The following NPAS2 variants were observed in gnomAD, a reference collection of about 807,000 sequenced individuals.
The protein encoded by NPAS2 is neuronal PAS domain-containing protein 2.
Under a neutral mutation model 107.5 loss-of-function variants are expected in NPAS2, and 23 were observed. That is an observed-to-expected ratio of 0.21 (90% CI 0.15 to 0.30). The LOEUF (loss-of-function observed/expected upper bound fraction) is 0.30, where lower values mean the gene tolerates loss of function less well. NPAS2 is among the 10% of genes least tolerant of loss of function. The pLI, the probability that NPAS2 is intolerant of heterozygous loss-of-function variation, is 1.00. For synonymous variants in NPAS2, 403 were observed against 417.5 expected (o/e 0.97, Z 0.42); for missense variants, 756 against 1,043.3 (o/e 0.72, Z 3.79).
At position 100,975,439 on chromosome 2, in the gene NPAS2, A is replaced by G. The variant is rs751054540; in HGVS notation, c.1283-19A>G. The stretch of plus-strand genomic sequence containing the variant: ...CTAAGTACATGGAAGTTAGAAGGTC[A>G]TTCGTTGCTTTCTTACAGCCACTCC... On this transcript the variant is annotated intron_variant, in intron 13 of 20. Coordinates refer to ENST00000335681, the MANE Select transcript of NPAS2 (RefSeq NM_002518.4). The G allele has an allele frequency of 4.3e-5, 69 of 1,605,302 alleles. No homozygotes were observed. Among genetic ancestry groups the G allele is most frequent in the Non-Finnish European group, 5.7e-5 (67 of 1,174,746 alleles).
chr2:100,901,472 G>T (rs888135048), intron 1 of NPAS2: 8 of 978,534 alleles, frequency 8.2e-6, no homozygotes, highest in Admixed American at 1.2e-4. Flanking sequence ...GAAAACCCAA[G>T]AAACCCAGAA....
At position 100,953,064 on chromosome 2, in the gene NPAS2, A is replaced by G. The variant is rs1166634196; in HGVS notation, c.598+3584A>G. Reference sequence around the variant, plus strand: ...TAAAATAGCAAAAATTGTCAGAGACAAATGAATTTCTCAGGTTAAACCCTA... The same window carrying G: ...TAAAATAGCAAAAATTGTCAGAGACGAATGAATTTCTCAGGTTAAACCCTA... On this transcript the variant is annotated intron_variant, in intron 7 of 20. Coordinates refer to ENST00000335681, the MANE Select transcript of NPAS2 (RefSeq NM_002518.4). 6.7e-4 allele frequency among the ~76,000 whole-genome samples: 90 copies of G among 134,216 alleles called. 4 individuals are homozygous for G. The highest frequency in any genetic ancestry group is 3.5e-3 in the Middle Eastern group (1 of 288). The allele number at this position is 134,216 out of a possible 152,430, so 88.1% of individuals were successfully genotyped here. A position where few individuals can be genotyped will look rare whatever the true frequency, so the allele number is the denominator to read the frequency against.
intron 1 of NPAS2, among the ~76,000 whole-genome samples, chr2:100,862,385 C>T (rs1678996709): frequency 6.6e-6 from 1 of 152,136 alleles, no homozygotes; most frequent in South Asian, 2.1e-4. Flanking sequence ...TCAGAAACAG[C>T]TGATATTCAT....
intron 1 of NPAS2, among the ~76,000 whole-genome samples, chr2:100,886,834 C>T (rs1041289082): frequency 2.6e-5 from 4 of 152,190 alleles, no homozygotes; most frequent in African/African-American, 9.6e-5. Context: ...TCAGCTCTTT[C>T]CTTCAGTTCT....
At chr2:100,904,664 CTT>C in intron 1 of NPAS2, 67 bp from the exon 2 acceptor site, 8 of 1,186,828 alleles carry the variant, frequency 6.7e-6, no homozygotes, top group Non-Finnish European at 9.6e-6. Flanking sequence ...ACCTGAAAGA[CTT>C]TTAAGAAAGA....
At chr2:100,844,469 C>T (rs1573447292) in intron 1 of NPAS2, among the ~76,000 whole-genome samples, 1 of 152,022 alleles carries the variant, frequency 6.6e-6, no homozygotes, top group Non-Finnish European at 1.5e-5. Flanking sequence ...CCAGTGGTAC[C>T]GAGGAGGAGG....
chr2:100,925,646 C>T (rs367785807), intron 3 of NPAS2, among the ~76,000 whole-genome samples: 52 of 152,334 alleles, frequency 3.4e-4, no homozygotes, highest in Middle Eastern at 3.4e-3. Flanking sequence ...TGGCTGAATA[C>T]TCACTTCCTG....
At chr2:100,820,102 GGAGGCA>G (rs1249127643), upstream of NPAS2, 3 of 151,556 alleles carry the variant, frequency 2.0e-5, no homozygotes, top group East Asian at 5.9e-4. This position sits in a 1 kb window ranked among gnomAD's most constrained non-coding sequence, Gnocchi z 5.6. Flanking sequence ...AGGCAGGGGA[GGAGGCA>G]GAGGCGGAGG....
At chr2:100,987,121 G>A (rs1034355214) in intron 16 of NPAS2, 7 of 152,186 alleles carry the variant, frequency 4.6e-5, no homozygotes, top group African/African-American at 1.7e-4. Context: ...ATTTTTAGTA[G>A]AGACAGGGTT....
chr2:100,877,199 C>T (rs1458914133), intron 1 of NPAS2, among the ~76,000 whole-genome samples: 2 of 152,268 alleles, frequency 1.3e-5, no homozygotes, highest in East Asian at 1.9e-4. Flanking sequence ...GGCGCAGTGG[C>T]TTATGCCTGT....
chr2:100,919,144 A>G (rs370087059), intron 2 of NPAS2, among the ~76,000 whole-genome samples: 10 of 152,360 alleles, frequency 6.6e-5, no homozygotes, highest in African/African-American at 2.2e-4. Context: ...TCAAAAGGTT[A>G]CATGCTATAG....
chr2:100,975,497 C>T lies in NPAS2; in HGVS notation c.1322C>T (p.Ala441Val), dbSNP rs904079564. The T allele has an allele frequency of 6.2e-7, 1 of 1,613,692 alleles. No homozygotes were observed. The highest frequency in any genetic ancestry group is 1.7e-5 in the Admixed American group (1 of 59,962). Residue 441 changes from alanine (A) to valine (V), a missense_variant, in exon 14 of 21, where the codon GCT becomes GTT. By Grantham distance (64) the Ala-to-Val change is moderately conservative (BLOSUM62 0). Coordinates refer to ENST00000335681, the MANE Select transcript of NPAS2 (RefSeq NM_002518.4). ...CTGATGGCAGAGGCCAGCACCCCGG[C>T]TTTGCCAAGATCAGCCACCCTGCCC... ...TKLMAEASTP[A>V]LPRSATLPQE...
intron 1 of NPAS2, among the ~76,000 whole-genome samples, chr2:100,845,560 G>C (rs780738207): frequency 1.3e-5 from 2 of 152,180 alleles, no homozygotes; most frequent in Non-Finnish European, 2.9e-5. Flanking sequence ...AGGCACCCAG[G>C]CTGCTCTGGG....
At chr2:100,938,504 C>G (rs1684477363) in intron 5 of NPAS2, among the ~76,000 whole-genome samples, 2 of 111,394 alleles carry the variant, frequency 1.8e-5, no homozygotes, top group Admixed American at 9.8e-5. Flanking sequence ...GATGTCCCTC[C>G]CCACTCTTTC....
At chr2:100,974,048 G>T (rs1253587476) in intron 12 of NPAS2, among the ~76,000 whole-genome samples, 2 of 151,878 alleles carry the variant, frequency 1.3e-5, no homozygotes, top group African/African-American at 4.8e-5. Context: ...CACCATGTTG[G>T]CCAGGCTGGT....
chr2:100,861,952 T>C (rs879317214), intron 1 of NPAS2, among the ~76,000 whole-genome samples: 44 of 152,200 alleles, frequency 2.9e-4, no homozygotes, highest in African/African-American at 9.4e-4. Flanking sequence ...TATTAAGGGA[T>C]CTGTGTTAAG....
chr2:100,978,776 C>G (rs1033599315), intron 15 of NPAS2, among the ~76,000 whole-genome samples: 4 of 152,216 alleles, frequency 2.6e-5, no homozygotes, highest in Admixed American at 2.6e-4. Context: ...ATATTCTACC[C>G]AGGGAAGTCT....
chr2:100,827,537 G>A (rs1408416703), intron 1 of NPAS2, among the ~76,000 whole-genome samples: 1 of 152,014 alleles, frequency 6.6e-6, no homozygotes, highest in African/African-American at 2.4e-5. Context: ...TTATCCCCTG[G>A]CTCCCTGCTC....
upstream of NPAS2, among the ~76,000 whole-genome samples, chr2:100,819,422 T>C (rs895789052): frequency 1.3e-5 from 2 of 152,182 alleles, no homozygotes; most frequent in Non-Finnish European, 2.9e-5. This position sits in a 1 kb window ranked among gnomAD's most constrained non-coding sequence, Gnocchi z 5.8. Flanking sequence ...CAGCAGTCGC[T>C]GCTGTCCTCC....
Sources: gnomAD v4.1 joint callset for allele counts (sites outside exome capture counted in the v4.1 genomes callset) on GRCh38, gnomAD v4.1.1 for gene constraint, Gnocchi (gnomAD v3.1) non-coding constraint, MANE v1.5 for transcripts, NCBI Gene and HGNC (gene_info 2026-07-23, HGNC 2026-07-21) for gene names.